Variants in GARRE1 observed in about 807,000 individuals in gnomAD.
GARRE1 encodes the protein granule associated Rac and RHOG effector protein 1.
A neutral mutation model predicts 103.2 loss-of-function variants in GARRE1; 49 were observed. That is an observed-to-expected ratio of 0.47 (90% confidence interval 0.38 to 0.60). GARRE1 has a LOEUF of 0.60. Ranked by LOEUF, GARRE1 falls within the 20% of genes least tolerant of loss-of-function variation. GARRE1 has a pLI of 0.00. For missense variants in GARRE1, 1,199 were observed against 1,370.5 expected, an observed-to-expected ratio of 0.87 and a Z score of 1.98; for synonymous variants, 505 against 532.8, an observed-to-expected ratio of 0.95 and a Z score of 0.72.
chr19:34,259,746 T>C (rs1418566133), intron 1 of GARRE1, among the ~76,000 whole-genome samples: 1 of 152,188 alleles, frequency 6.6e-6, no homozygotes, highest in African/African-American at 2.4e-5. Context: ...GGTTAGGCTG[T>C]GTCCTCACCC....
At chr19:34,284,211 A>G (rs932273751) in intron 1 of GARRE1, among the ~76,000 whole-genome samples, 39 of 132,916 alleles carry the variant, frequency 2.9e-4, no homozygotes, top group African/African-American at 1.1e-3. Context: ...GCTTACTGCA[A>G]CCTCCACCTC....
chr19:34,278,925 T>A (rs1460563699), intron 1 of GARRE1, among the ~76,000 whole-genome samples: 1 of 152,124 alleles, frequency 6.6e-6, no homozygotes, highest in Non-Finnish European at 1.5e-5. Flanking sequence ...TACCTCAGCC[T>A]CCCAAAGTGC....
chr19:34,293,750 CTTTTTTTTTTTTTT>C (rs71165643), intron 1 of GARRE1, among the ~76,000 whole-genome samples: 19 of 47,178 alleles, frequency 4.0e-4, no homozygotes, highest in Non-Finnish European at 1.1e-4. Context: ...ACACATATTT[CTTTTTTTTTTTTTT>C]TTTTTTTTTT....
At chr19:34,325,618 G>A (rs548034151) in intron 3 of GARRE1, among the ~76,000 whole-genome samples, 3 of 152,216 alleles carry the variant, frequency 2.0e-5, no homozygotes, top group African/African-American at 4.8e-5. Flanking sequence ...TCAGGGAATC[G>A]TTACTTCTCC....
chr19:34,307,601 A>G (rs1203611349), intron 2 of GARRE1, among the ~76,000 whole-genome samples: 3 of 146,094 alleles, frequency 2.1e-5, no homozygotes, highest in Admixed American at 1.4e-4. Context: ...ACACATACGC[A>G]CACACATACA....
At chr19:34,296,292 G>C (rs2073947198) in intron 1 of GARRE1, 3 of 717,332 alleles carry the variant, frequency 4.2e-6, no homozygotes, top group Non-Finnish European at 7.3e-6. Context: ...TGAAGCCTTT[G>C]TAGGGGCCTG....
chr19:34,271,251 T>C (rs1031077780), intron 1 of GARRE1, among the ~76,000 whole-genome samples: 1 of 148,036 alleles, frequency 6.8e-6, no homozygotes, highest in Non-Finnish European at 1.5e-5. Flanking sequence ...CTTTCTTTTT[T>C]TTTTTTTTTT....
intron 2 of GARRE1, among the ~76,000 whole-genome samples, chr19:34,306,475 A>G (rs1293090838): frequency 6.6e-6 from 1 of 152,174 alleles, no homozygotes; most frequent in Admixed American, 6.5e-5. Flanking sequence ...GTGGTTGCTG[A>G]CTGTGTGCTC....
At chr19:34,350,672 T>C (rs563276175) in intron 12 of GARRE1, among the ~76,000 whole-genome samples, 154 of 152,146 alleles carry the variant, frequency 1.0e-3, no homozygotes, top group Non-Finnish European at 1.8e-3. Context: ...AGCTCCGCCT[T>C]CCGGGTTCAC....
At chr19:34,288,857 C>T (rs1180202204) in intron 1 of GARRE1, among the ~76,000 whole-genome samples, 1 of 152,228 alleles carries the variant, frequency 6.6e-6, no homozygotes, top group South Asian at 2.1e-4. Context: ...CTGGGCTGGG[C>T]GCCTTGGCTC....
intron 1 of GARRE1, among the ~76,000 whole-genome samples, chr19:34,290,814 A>G (rs1568531372): frequency 6.7e-6 from 1 of 148,658 alleles, no homozygotes; most frequent in African/African-American, 2.5e-5. Flanking sequence ...TGATAAAGTT[A>G]TAAAGAAATT....
chr19:34,306,853 G>A (rs1045438865), intron 2 of GARRE1, among the ~76,000 whole-genome samples: 5 of 152,142 alleles, frequency 3.3e-5, no homozygotes, highest in Admixed American at 6.6e-5. Context: ...CCAGCATGTC[G>A]ATTGCAGTAG....
At chr19:34,276,461 A>T (rs2073817655) in intron 1 of GARRE1, among the ~76,000 whole-genome samples, 1 of 151,990 alleles carries the variant, frequency 6.6e-6, no homozygotes, top group Non-Finnish European at 1.5e-5. Flanking sequence ...GTGTGTGGGT[A>T]TGTGTGTTTA....
chr19:34,279,939 C>T (rs1166502650), intron 1 of GARRE1, among the ~76,000 whole-genome samples: 4 of 148,152 alleles, frequency 2.7e-5, no homozygotes, highest in Non-Finnish European at 5.9e-5. Context: ...GAGCCGAGAT[C>T]CCGCCACTGC....
At chr19:34,326,831 G>A (rs774024804) in intron 3 of GARRE1, among the ~76,000 whole-genome samples, 1 of 151,720 alleles carries the variant, frequency 6.6e-6, no homozygotes, top group Non-Finnish European at 1.5e-5. Context: ...TAACAAGTAG[G>A]TAAGTCTTTT....
chr19:34,322,734 C>T (rs1467850926), intron 3 of GARRE1, among the ~76,000 whole-genome samples: 1 of 151,724 alleles, frequency 6.6e-6, no homozygotes. Context: ...ATTATAGGCA[C>T]CCGCCACCAC....
At chr19:34,309,581 C>T (rs1256769937) in intron 2 of GARRE1, among the ~76,000 whole-genome samples, 1 of 152,080 alleles carries the variant, frequency 6.6e-6, no homozygotes, top group Non-Finnish European at 1.5e-5. Context: ...CTCAAGTGAT[C>T]CTCCCACCTC....
At chr19:34,271,451 T>C (rs2073787211) in intron 1 of GARRE1, among the ~76,000 whole-genome samples, 1 of 152,036 alleles carries the variant, frequency 6.6e-6, no homozygotes, top group Non-Finnish European at 1.5e-5. Context: ...GGTTTCACCA[T>C]GTTGGCCAGG....
intron 1 of GARRE1, among the ~76,000 whole-genome samples, chr19:34,291,224 C>A (rs888916714): frequency 6.6e-6 from 1 of 151,940 alleles, no homozygotes; most frequent in Non-Finnish European, 1.5e-5. Context: ...TGCTTTTTTA[C>A]CATTGTAAAG....
Sources: gnomAD v4.1 joint callset for allele counts (sites outside exome capture counted in the v4.1 genomes callset) on GRCh38, gnomAD v4.1.1 for gene constraint, MANE v1.5 for transcripts, NCBI Gene and HGNC (gene_info 2026-07-23, HGNC 2026-07-21) for gene names.